Variants in CUBN observed in about 807,000 individuals in gnomAD.
CUBN encodes the protein 460 kDa receptor.
In CUBN, 282 loss-of-function variants were observed where a neutral mutation model predicts 405.3. The observed-to-expected ratio is 0.70, with a 90% CI of 0.63 to 0.77. CUBN has a LOEUF of 0.77. Among genes scored for constraint, CUBN ranks in the 30% least tolerant of loss-of-function variants. CUBN has a pLI of 0.00. For synonymous variants in CUBN, 1,684 were observed against 1,617.0 expected (o/e 1.04, Z -0.99); for missense variants, 4,514 against 4,475.2 (o/e 1.01, Z -0.25).
chr10:16,933,246 C>A lies in CUBN; in HGVS notation c.5965G>T (p.Val1989Leu), dbSNP rs368951850. ...GGCCAGCCCGGGGAGAAGAGAAACA[C>A]GGGTGCATCTCCCGTCCTCAGGAAG... is the stretch of plus-strand genomic sequence containing the variant. The part of the protein sequence containing the change: ...GGFLRTGDAP[V>L]FLFSPGWPDS... The change falls in exon 40 of 67, where the codon GTG (valine) becomes TTG (leucine). Residue 1989 changes from valine to leucine, a missense_variant. Around this residue, in one of 5 missense-constraint regions of CUBN, gnomAD observed 1,613 missense variants for 1,542.8 expected, o/e 1.05. Transcript: ENST00000377833. 1 of 1,613,762 alleles carries A rather than the reference C, an allele frequency of 6.2e-7. No individual in the cohort carries two copies. The highest frequency in any genetic ancestry group is 1.3e-5 in the African/African-American group (1 of 74,888).
chr10:17,081,242 T>C (rs1835959939), intron 17 of CUBN, among the ~76,000 whole-genome samples: 3 of 152,194 alleles, frequency 2.0e-5, no homozygotes, highest in Admixed American at 2.0e-4. Context: ...TATGTTTGCC[T>C]GGCAACCAAG....
At position 17,084,346 on chromosome 10, in the gene CUBN, C is replaced by A; in HGVS notation, c.2226G>T (p.Gln742His). The A allele has an allele frequency of 1.9e-6, 3 of 1,614,142 alleles. No individual in the cohort carries two copies. The highest frequency in any genetic ancestry group is 2.5e-6 in the Non-Finnish European group (3 of 1,180,028). Residue 742 changes from glutamine (Q) to histidine (H), a missense_variant, in exon 17 of 67, where the codon CAG becomes CAT. This residue lies in a region of CUBN where 1,448 missense variants were observed against 1,388.0 expected (regional missense o/e 1.04). Coordinates refer to ENST00000377833, the MANE Select transcript of CUBN (RefSeq NM_001081.4). ...RQCVYMMKQP[Q>H]GEQIQINFTH... is the part of the protein sequence containing the mutation. The stretch of plus-strand genomic sequence containing the variant: ...TGAAGTTGATTTGTATTTGTTCTCC[C>A]TGGGGCTGCTTCATCATATAGACGC...
intron 51 of CUBN, among the ~76,000 whole-genome samples, chr10:16,903,716 T>A (rs920381250): frequency 6.7e-6 from 1 of 148,204 alleles, no homozygotes; most frequent in African/African-American, 2.4e-5. Flanking sequence ...TTTAATAATT[T>A]TAAAATTATG....
intron 57 of CUBN, among the ~76,000 whole-genome samples, chr10:16,876,396 T>C (rs934373484): frequency 3.9e-5 from 6 of 152,244 alleles, no homozygotes; most frequent in Admixed American, 6.5e-5. Context: ...AGTTGTAAAT[T>C]ATAGCATAGT....
chr10:16,926,462 A>G (rs1842190840), intron 41 of CUBN, among the ~76,000 whole-genome samples: 2 of 152,104 alleles, frequency 1.3e-5, no homozygotes, highest in South Asian at 4.1e-4. Flanking sequence ...CAGTCCTTAG[A>G]CTGTAAGGGG....
At chr10:16,894,742 G>A (rs1013762427) in intron 54 of CUBN, among the ~76,000 whole-genome samples, 2 of 152,188 alleles carry the variant, frequency 1.3e-5, no homozygotes, top group African/African-American at 4.8e-5. Context: ...AGACTTTGGA[G>A]AAAATTTGAT....
intron 6 of CUBN, among the ~76,000 whole-genome samples, chr10:17,121,720 G>A (rs1424979333): frequency 6.6e-6 from 1 of 151,918 alleles, no homozygotes; most frequent in Admixed American, 6.6e-5. Context: ...AAAAAAAATA[G>A]TGATGGTTTA....
intron 4 of CUBN, among the ~76,000 whole-genome samples, chr10:17,124,486 T>C (rs1213394931): frequency 2.6e-5 from 4 of 152,010 alleles, no homozygotes; most frequent in Admixed American, 2.6e-4. Flanking sequence ...TGGAGTGCAG[T>C]GGCGCGATCT....
At chr10:17,042,177 G>C (rs1371864064) in intron 26 of CUBN, among the ~76,000 whole-genome samples, 3 of 152,154 alleles carry the variant, frequency 2.0e-5, no homozygotes, top group Admixed American at 6.6e-5. Flanking sequence ...TGCTTTGTTG[G>C]AGCAGGGAGA....
intron 28 of CUBN, among the ~76,000 whole-genome samples, chr10:17,007,101 C>T (rs1458650602): frequency 6.6e-6 from 1 of 152,104 alleles, no homozygotes; most frequent in East Asian, 1.9e-4. Context: ...CCAGAAGAGG[C>T]GAGGGGGTCT....
chr10:17,074,401 G>A (rs768894502), intron 17 of CUBN, among the ~76,000 whole-genome samples: 23 of 152,236 alleles, frequency 1.5e-4, no homozygotes, highest in South Asian at 4.2e-4. Flanking sequence ...CCAAAGACAC[G>A]AGGCAGCCTG....
intron 59 of CUBN, among the ~76,000 whole-genome samples, chr10:16,852,243 C>G (rs111218050): frequency 7.6e-6 from 1 of 131,364 alleles, no homozygotes; most frequent in African/African-American, 2.9e-5. Flanking sequence ...ATCTTTCCAT[C>G]CCTCCCTCTA....
chr10:16,903,059 A>C (rs773861144), intron 51 of CUBN, among the ~76,000 whole-genome samples: 16 of 152,230 alleles, frequency 1.1e-4, no homozygotes, highest in South Asian at 4.1e-4. Context: ...ACACTAGCAA[A>C]TAATACCCAT....
intron 14 of CUBN, among the ~76,000 whole-genome samples, chr10:17,092,579 TG>T (rs570672380): frequency 1.0e-3 from 155 of 152,286 alleles, no homozygotes; most frequent in African/African-American, 3.7e-3. Context: ...GTGAGGAAAG[TG>T]ACCTCTGGTC....
At chr10:16,889,322 A>G (rs1462477497) in intron 55 of CUBN, among the ~76,000 whole-genome samples, 1 of 152,158 alleles carries the variant, frequency 6.6e-6, no homozygotes, top group African/African-American at 2.4e-5. Context: ...GCACTCTCTG[A>G]TTCAGTCTGA....
intron 22 of CUBN, among the ~76,000 whole-genome samples, chr10:17,052,043 T>A (rs978498343): frequency 1.4e-5 from 2 of 147,012 alleles, no homozygotes; most frequent in African/African-American, 2.7e-5. Flanking sequence ...CAGAAGCCAG[T>A]TGGGGCGGGG....
At chr10:17,129,054 G>T (rs962093388) in intron 2 of CUBN, 67 bp downstream of exon 2, 3 of 1,275,788 alleles carry the variant, frequency 2.4e-6, no homozygotes, top group African/African-American at 1.5e-5. Flanking sequence ...GATTAATCTA[G>T]ACTTGTTCAA....
At chr10:16,885,712 C>T (rs908347054) in intron 56 of CUBN, among the ~76,000 whole-genome samples, 1 of 152,148 alleles carries the variant, frequency 6.6e-6, no homozygotes, top group South Asian at 2.1e-4. Context: ...ACATATACCA[C>T]TGGTATCAGC....
chr10:17,090,150 ATAGAG>A (rs980019194), intron 14 of CUBN, among the ~76,000 whole-genome samples: 5 of 152,162 alleles, frequency 3.3e-5, no homozygotes, highest in Admixed American at 6.5e-5. Context: ...ATGTCCGTCA[ATAGAG>A]TATTGATTGA....
Sources: gnomAD v4.1 joint callset for allele counts (sites outside exome capture counted in the v4.1 genomes callset) on GRCh38, gnomAD v4.1.1 for gene constraint, gnomAD v4.1.1 regional missense constraint, MANE v1.5 for transcripts, NCBI Gene and HGNC (gene_info 2026-07-23, HGNC 2026-07-21) for gene names.